Variants in FAT3 observed in about 807,000 individuals in gnomAD.
FAT3 encodes the protein FAT atypical cadherin 3.
In FAT3, 95 loss-of-function variants were observed where a neutral mutation model predicts 310.2. The observed-to-expected ratio is 0.31, with a 90% CI of 0.26 to 0.36. The LOEUF is 0.36. Among genes scored for constraint, FAT3 ranks in the 10% least tolerant of loss-of-function variants. The probability of loss-of-function intolerance (pLI) is 1.00; values close to 1 mark genes in which losing one functional copy is unlikely to be tolerated. For synonymous variants in FAT3, 2,314 were observed against 2,192.9 expected, an observed-to-expected ratio of 1.06 and a Z score of -1.54; for missense variants, 5,408 against 5,715.6, an observed-to-expected ratio of 0.95 and a Z score of 1.74.
At chr11:92,473,870 G>T (rs1402261699) in intron 2 of FAT3, among the ~76,000 whole-genome samples, 2 of 152,218 alleles carry the variant, frequency 1.3e-5, no homozygotes, top group East Asian at 1.9e-4. Context: ...GCACTTCATG[G>T]GCCTTATGTG....
chr11:92,663,215 GA>G (rs1233150238), intron 3 of FAT3, among the ~76,000 whole-genome samples: 2 of 152,186 alleles, frequency 1.3e-5, no homozygotes, highest in African/African-American at 4.8e-5. Context: ...CCAAGCTTTG[GA>G]AATAAGAGCA....
rs371327503 is a variant in FAT3 at position 92,631,586 on chromosome 11, G to A, written c.3608-65798G>A. Reference sequence around the variant, plus strand: ...GTAAGACGTGCCTTTCTTCCCCTTCGCCTTCTGCCATGATCACAAGTTTCC... The same window carrying A: ...GTAAGACGTGCCTTTCTTCCCCTTCACCTTCTGCCATGATCACAAGTTTCC... On this transcript the variant is annotated intron_variant, in intron 3 of 27. Transcript: ENST00000525166. Among the ~76,000 whole-genome samples, 13 of 151,864 alleles carry A rather than the reference G, an allele frequency of 8.6e-5. No individual in the cohort carries two copies. In the South Asian group the frequency reaches 1.9e-3, roughly 22 times the overall value.
intron 2 of FAT3, among the ~76,000 whole-genome samples, chr11:92,524,058 C>T (rs1953772194): frequency 6.6e-6 from 1 of 152,112 alleles, no homozygotes; most frequent in Non-Finnish European, 1.5e-5. Flanking sequence ...ATAGCTGTGA[C>T]ATTTCATTTT....
At chr11:92,394,536 A>C (rs1949818871) in intron 2 of FAT3, among the ~76,000 whole-genome samples, 1 of 152,170 alleles carries the variant, frequency 6.6e-6, no homozygotes, top group Admixed American at 6.6e-5. Flanking sequence ...AACAAGCAAG[A>C]GGCAGTTTTG....
At chr11:92,277,605 G>A (rs1399958154) in intron 1 of FAT3, among the ~76,000 whole-genome samples, 1 of 152,138 alleles carries the variant, frequency 6.6e-6, no homozygotes, top group Non-Finnish European at 1.5e-5. Context: ...TAACACAGGA[G>A]TAAAAAACCA....
At chr11:92,317,337 T>C (rs1947491722) in intron 1 of FAT3, among the ~76,000 whole-genome samples, 1 of 152,194 alleles carries the variant, frequency 6.6e-6, no homozygotes, top group Non-Finnish European at 1.5e-5. Context: ...AGCTCAGTGA[T>C]TGCAGATTGC....
intron 4 of FAT3, among the ~76,000 whole-genome samples, chr11:92,713,925 A>T (rs994755003): frequency 6.6e-6 from 1 of 152,176 alleles, no homozygotes; most frequent in African/African-American, 2.4e-5. Flanking sequence ...TGAAATTGGG[A>T]GACTTGGTCA....
At chr11:92,562,639 A>G (rs923084301) in intron 3 of FAT3, among the ~76,000 whole-genome samples, 2 of 152,176 alleles carry the variant, frequency 1.3e-5, no homozygotes, top group Non-Finnish European at 2.9e-5. Context: ...CTGATGGTGC[A>G]ATTCAGTTAG....
At chr11:92,646,662 A>C (rs886762550) in intron 3 of FAT3, among the ~76,000 whole-genome samples, 1 of 152,246 alleles carries the variant, frequency 6.6e-6, no homozygotes, top group Admixed American at 6.5e-5. Context: ...GGAAGTCTTC[A>C]TGGAGGTCAG....
At chr11:92,319,973 T>C (rs552664551) in intron 1 of FAT3, among the ~76,000 whole-genome samples, 1 of 152,190 alleles carries the variant, frequency 6.6e-6, no homozygotes, top group Non-Finnish European at 1.5e-5. Context: ...AAGTTTTTCT[T>C]ATGCATGCTT....
rs1463083952 is a variant in FAT3, at chr11:92,882,838, T to A, written c.12382T>A (p.Tyr4128Asn). 2.2e-5 allele frequency: 36 copies of A among 1,611,930 alleles called. No individual in the cohort carries two copies. The highest frequency in any genetic ancestry group is 3.0e-5 in the Non-Finnish European group (35 of 1,179,252). ...GSFLCNCTPG[Y>N]VGQYCGLRPV... The stretch of plus-strand genomic sequence containing the variant: ...CTTCCTCTGCAACTGCACGCCGGGC[T>A]ACGTGGGCCAGTACTGCGGGCTGCG... Residue 4128 changes from tyrosine (Y) to asparagine (N), a missense_variant, in exon 24 of 28, where the codon TAC (tyrosine) becomes AAC (asparagine). Transcript: ENST00000525166.
chr11:92,800,058 G>T lies in FAT3; in HGVS notation c.7045G>T (p.Ala2349Ser). 6.2e-7 allele frequency: 1 copy of T among 1,613,990 alleles called. No individual in the cohort carries two copies. Among genetic ancestry groups the T allele is most frequent in the Non-Finnish European group, 8.5e-7 (1 of 1,179,870 alleles). ...TAGCTCAAGTGGCTTAATCCTGACA[G>T]CACGAATGCTGGACCATGAGTTAGT... ...IDSSSGLILT[A>S]RMLDHELVQH... The change falls in exon 10 of 28, where the codon GCA becomes TCA. Residue 2349 changes from alanine to serine, a missense_variant. This residue lies in a region of FAT3 where 4,588 missense variants were observed against 4,809.8 expected (regional missense o/e 0.95). Transcript: ENST00000525166.
intron 19 of FAT3, among the ~76,000 whole-genome samples, chr11:92,849,809 G>A (rs1948774113): frequency 6.6e-6 from 1 of 152,204 alleles, no homozygotes; most frequent in African/African-American, 2.4e-5. Context: ...CAGGCCCTGG[G>A]TGGGGTGCTG....
At chr11:92,553,675 CCCTTCCTTCCTTCCTT>C (rs55981814) in intron 3 of FAT3, among the ~76,000 whole-genome samples, 68 of 108,356 alleles carry the variant, frequency 6.3e-4, no homozygotes, top group Admixed American at 2.7e-3. Context: ...GAATCTCCGT[CCCTTCCTTCCTTCCTT>C]CCTTCCTTCC....
At chr11:92,373,323 G>A (rs563043030) in intron 2 of FAT3, among the ~76,000 whole-genome samples, 2 of 152,190 alleles carry the variant, frequency 1.3e-5, no homozygotes, top group East Asian at 3.9e-4. Context: ...AGATTTGTGG[G>A]CATGGGAACT....
chr11:92,372,388 C>T (rs1053327832), intron 2 of FAT3, among the ~76,000 whole-genome samples: 3 of 148,830 alleles, frequency 2.0e-5, no homozygotes, highest in Non-Finnish European at 4.5e-5. Context: ...GTTGCACAAA[C>T]TGGACCTGGA....
At chr11:92,626,156 G>A (rs1365929022) in intron 3 of FAT3, among the ~76,000 whole-genome samples, 1 of 152,142 alleles carries the variant, frequency 6.6e-6, no homozygotes, top group Non-Finnish European at 1.5e-5. Flanking sequence ...CAGCCCCAAA[G>A]CCTGAGTGAA....
chr11:92,264,260 C>T (rs960339945), intron 1 of FAT3, among the ~76,000 whole-genome samples: 2 of 152,134 alleles, frequency 1.3e-5, no homozygotes, highest in Non-Finnish European at 2.9e-5. Flanking sequence ...ACAATTACTT[C>T]AGATGTGTAT....
chr11:92,718,897 G>A (rs1177035890), intron 4 of FAT3, among the ~76,000 whole-genome samples: 2 of 152,086 alleles, frequency 1.3e-5, no homozygotes, highest in Non-Finnish European at 2.9e-5. Context: ...TTAATGACCT[G>A]CTCTGCATCT....
Sources: gnomAD v4.1 joint callset for allele counts (sites outside exome capture counted in the v4.1 genomes callset) on GRCh38, gnomAD v4.1.1 for gene constraint, gnomAD v4.1.1 regional missense constraint, MANE v1.5 for transcripts, NCBI Gene and HGNC (gene_info 2026-07-23, HGNC 2026-07-21) for gene names.